RALGAPB: variants seen among roughly 807,000 people sequenced by gnomAD.
RALGAPB encodes the protein ral GTPase-activating protein subunit beta.
A neutral mutation model predicts 161.1 loss-of-function variants in RALGAPB; 25 were observed. The observed-to-expected ratio is 0.16, with a 90% CI of 0.11 to 0.22. The LOEUF is 0.22. Ranked by LOEUF, RALGAPB falls within the 10% of genes least tolerant of loss-of-function variation. RALGAPB has a pLI of 1.00. For missense variants in RALGAPB, 1,391 were observed against 1,815.2 expected, an observed-to-expected ratio of 0.77 and a Z score of 4.25; for synonymous variants, 629 against 626.1, an observed-to-expected ratio of 1.00 and a Z score of -0.07.
intron 28 of RALGAPB, among the ~76,000 whole-genome samples, chr20:38,573,340 A>G (rs2088310928): frequency 6.6e-6 from 1 of 151,628 alleles, no homozygotes; most frequent in South Asian, 2.1e-4. Context: ...GTCTTGAAAG[A>G]TTGATTCAGT....
rs1187728484 is a variant in RALGAPB at position 38,576,856 on chromosome 20, A to G, written c.*1889A>G. On this transcript the variant is annotated 3_prime_UTR_variant, in exon 30 of 30. Coordinates refer to ENST00000262879, the MANE Select transcript of RALGAPB (RefSeq NM_020336.4). ...TTACAGCATTCCAGAGGTTAAAAAT[A>G]ACTGATGCAGATGTACTTCTTCAGT... The G allele has an allele frequency of 6.5e-6, 1 of 152,674 alleles. No individual in the cohort carries two copies. Among genetic ancestry groups the G allele is most frequent in the Non-Finnish European group, 1.5e-5 (1 of 68,042 alleles). The allele number at this position is 152,674 out of a possible 1,614,324, so 9.5% of individuals were successfully genotyped here.
At chr20:38,550,014 AATC>A (rs1246722871) in intron 20 of RALGAPB, among the ~76,000 whole-genome samples, 11 of 152,218 alleles carry the variant, frequency 7.2e-5, no homozygotes, top group Non-Finnish European at 1.3e-4. Context: ...TGAAATTGGA[AATC>A]ATCATTCTCA....
At chr20:38,521,158 C>G (rs1456188437) in intron 9 of RALGAPB, among the ~76,000 whole-genome samples, 3 of 152,000 alleles carry the variant, frequency 2.0e-5, no homozygotes, top group Non-Finnish European at 4.4e-5. Context: ...GAAGAAAAAA[C>G]AGAAAAGAAA....
chr20:38,478,539 G>A (rs893883423), intron 1 of RALGAPB, among the ~76,000 whole-genome samples: 1 of 152,100 alleles, frequency 6.6e-6, no homozygotes, highest in African/African-American at 2.4e-5. Flanking sequence ...TCCTGCCTCT[G>A]CCTCCTGAGT....
chr20:38,492,004 C>T (rs1286960903), intron 2 of RALGAPB, among the ~76,000 whole-genome samples: 2 of 152,140 alleles, frequency 1.3e-5, no homozygotes, highest in East Asian at 3.9e-4. Flanking sequence ...ACAGTTTCCT[C>T]CCTTTTTTGC....
intron 18 of RALGAPB, among the ~76,000 whole-genome samples, chr20:38,542,834 C>T (rs907009447): frequency 2.0e-5 from 3 of 151,966 alleles, no homozygotes; most frequent in African/African-American, 7.3e-5. Context: ...GAGATCACAC[C>T]ATCCTGGCAA....
At chr20:38,540,079 G>C (rs2086921859) in intron 17 of RALGAPB, 121 bp downstream of exon 17, 3 of 830,648 alleles carry the variant, frequency 3.6e-6, no homozygotes, top group African/African-American at 1.7e-5. Flanking sequence ...GAAAATACTT[G>C]TTAGATTACA....
Position 38,570,852 on chromosome 20 carries a change from ACT to A in RALGAPB, c.4142+8_4142+9del, listed in dbSNP as rs1374571049. ...AAATAGTAGCACTTCACTGAGGTAC[ACT>A]CTATTTGCTTGAAGTTCATCAGCGT... On this transcript the variant is annotated splice_donor_region_variant and intron_variant, in intron 28 of 29. Coordinates refer to ENST00000262879, the MANE Select transcript of RALGAPB (RefSeq NM_020336.4). The A allele has an allele frequency of 2.5e-6, 4 of 1,576,694 alleles. No individual in the cohort carries two copies. Among genetic ancestry groups the A allele is most frequent in the Non-Finnish European group, 3.5e-6 (4 of 1,148,876 alleles).
At chr20:38,502,629 A>G (rs1278000948) in intron 5 of RALGAPB, among the ~76,000 whole-genome samples, 1 of 152,110 alleles carries the variant, frequency 6.6e-6, no homozygotes, top group African/African-American at 2.4e-5. Flanking sequence ...TTTTTCACCT[A>G]GTCTGGAGTG....
chr20:38,510,010 T>C (rs1180012523), intron 6 of RALGAPB, among the ~76,000 whole-genome samples: 1 of 152,074 alleles, frequency 6.6e-6, no homozygotes, highest in Non-Finnish European at 1.5e-5. Context: ...TCTATTTCCT[T>C]TGTGTTCTTT....
At position 38,541,121 on chromosome 20, in the gene RALGAPB, G is replaced by C. The variant is rs756389834; in HGVS notation, c.2643G>C (p.Lys881Asn). The change falls in exon 18 of 30, where the codon AAG becomes AAC. Residue 881 changes from lysine to asparagine, a missense_variant. Lys to Asn is a moderately conservative substitution (Grantham distance 94). Coordinates refer to ENST00000262879, the MANE Select transcript of RALGAPB (RefSeq NM_020336.4). ...CCAAGAACAATGAGCAAGAGGTCAA[G>C]TACAAAGGAGATAAGGAGCCAAACC... is the stretch of plus-strand genomic sequence containing the variant. The part of the protein sequence containing the change: ...SKSKNNEQEV[K>N]YKGDKEPNPA... 2 of 1,614,098 alleles carry C rather than the reference G, an allele frequency of 1.2e-6. No homozygotes were observed. The highest frequency in any genetic ancestry group is 1.7e-6 in the Non-Finnish European group (2 of 1,180,004).
In RALGAPB at chr20:38,554,169, T is replaced by TAA. The variant is rs202236409; in HGVS notation, c.3372+106_3372+107dup. 5.6e-3 allele frequency: 4,737 copies of TAA among 848,350 alleles called. 1 individual carries two copies. The highest frequency in any genetic ancestry group is 0.011 in the African/African-American group (644 of 56,190). 52.6% of individuals were successfully genotyped at this position (848,350 alleles called of 1,614,324 possible). A position where few individuals can be genotyped will look rare whatever the true frequency, so the allele number is the denominator to read the frequency against. ...TATTTTTATCAGGATAGAAGCGAAT[T>TAA]AAAAAAAAAAAAAACTGGTTAAAAT... On this transcript the variant is annotated intron_variant, in intron 22 of 29. Transcript: ENST00000262879.
chr20:38,513,025 G>C (rs1293214471), intron 6 of RALGAPB, among the ~76,000 whole-genome samples: 1 of 152,018 alleles, frequency 6.6e-6, no homozygotes, highest in African/African-American at 2.4e-5. Context: ...CTCTCAAAGT[G>C]CTAGGATTAC....
intron 28 of RALGAPB, among the ~76,000 whole-genome samples, chr20:38,571,738 G>A (rs1685005866): frequency 6.6e-6 from 1 of 152,166 alleles, no homozygotes; most frequent in Admixed American, 6.6e-5. Context: ...GGGATTGCTG[G>A]ATCATATGAA....
At chr20:38,558,496 A>G (rs1190323703) in intron 23 of RALGAPB, 43 bp downstream of exon 23, 2 of 1,429,324 alleles carry the variant, frequency 1.4e-6, no homozygotes, top group East Asian at 2.5e-5. Context: ...TTTTTGTGCT[A>G]TAAATACACG....
At chr20:38,553,794 AAAAAAAAC>A in intron 21 of RALGAPB, 65 bp from the exon 22 acceptor site, 7 of 887,934 alleles carry the variant, frequency 7.9e-6, no homozygotes, top group Non-Finnish European at 9.8e-6. Context: ...AAAAAAAAAA[AAAAAAAAC>A]ACTTAAGATT....
intron 13 of RALGAPB, among the ~76,000 whole-genome samples, chr20:38,528,485 C>T (rs772788026): frequency 1.3e-4 from 19 of 151,776 alleles, no homozygotes; most frequent in Non-Finnish European, 8.8e-5. Context: ...ATTCTTCTGC[C>T]GCAACCTCTG....
At chr20:38,557,420 G>T (rs2087623245) in intron 22 of RALGAPB, among the ~76,000 whole-genome samples, 1 of 152,166 alleles carries the variant, frequency 6.6e-6, no homozygotes, top group Non-Finnish European at 1.5e-5. Context: ...AGGTCTCTGG[G>T]GTTTGACAAG....
intron 1 of RALGAPB, among the ~76,000 whole-genome samples, chr20:38,481,980 A>G (rs1446897915): frequency 3.9e-5 from 6 of 152,202 alleles, no homozygotes; most frequent in Non-Finnish European, 8.8e-5. Context: ...CTCGTACATC[A>G]TAAGGGTTAG....
Sources: allele counts gnomAD v4.1 joint callset (sites outside exome capture counted in the v4.1 genomes callset), GRCh38; gene constraint gnomAD v4.1.1; transcripts MANE v1.5; gene names NCBI Gene and HGNC (gene_info 2026-07-23, HGNC 2026-07-21).